NXPE4: variants seen among roughly 807,000 people sequenced by gnomAD.
The protein encoded by NXPE4 is NXPE family member 4.
A neutral mutation model predicts 33.3 loss-of-function variants in NXPE4; 42 were observed. The observed-to-expected ratio is 1.26, with a 90% confidence interval of 0.98 to 1.63. NXPE4 has a LOEUF of 1.63. Among genes scored for constraint, NXPE4 ranks in the 40% most tolerant of loss-of-function variants. NXPE4 has a pLI of 0.00. For synonymous variants in NXPE4, 253 were observed against 234.9 expected, an observed-to-expected ratio of 1.08 and a Z score of -0.71; for missense variants, 709 against 647.6, an observed-to-expected ratio of 1.09 and a Z score of -1.03.
the NXPE4 span, among the ~76,000 whole-genome samples, chr11:114,605,387 G>A: frequency 6.6e-6 from 1 of 151,860 alleles, no homozygotes; most frequent in Non-Finnish European, 1.5e-5. Context: ...ATTGCCTATG[G>A]GTAACCACTG....
chr11:114,593,827 G>T (rs192889781), intron 2 of NXPE4, among the ~76,000 whole-genome samples: 2 of 152,214 alleles, frequency 1.3e-5, no homozygotes, highest in East Asian at 3.9e-4. Flanking sequence ...ATACACAACG[G>T]AGTAGTATTC....
At chr11:114,599,081 A>G (rs1565342124), upstream of NXPE4, among the ~76,000 whole-genome samples, 1 of 152,106 alleles carries the variant, frequency 6.6e-6, no homozygotes, top group Non-Finnish European at 1.5e-5. Context: ...TTGCACATGC[A>G]TACGAGCATA....
chr11:114,676,109 G>A, the NXPE4 span, among the ~76,000 whole-genome samples: 1 of 151,846 alleles, frequency 6.6e-6, no homozygotes, highest in Non-Finnish European at 1.5e-5. Flanking sequence ...ACTGAAAATG[G>A]ATTAAAGACT....
At chr11:114,571,940 C>T (rs118076470) in intron 5 of NXPE4, among the ~76,000 whole-genome samples, 7 of 152,188 alleles carry the variant, frequency 4.6e-5, no homozygotes, top group Admixed American at 1.3e-4. Context: ...TGGAGGCCAA[C>T]GAACACAAAA....
chr11:114,639,810 T>TAATATAAAATATAATATATATTATATTA, the NXPE4 span, among the ~76,000 whole-genome samples: 12,144 of 77,608 alleles, frequency 0.16, 1,371 homozygotes, highest in Non-Finnish European at 0.2. Flanking sequence ...AAATATAAAA[T>TAATATAAAATATAATATATATTATATTA]AATATAAAAT....
the NXPE4 span, among the ~76,000 whole-genome samples, chr11:114,667,377 A>G: frequency 6.6e-6 from 1 of 152,194 alleles, no homozygotes; most frequent in Admixed American, 6.6e-5. Context: ...ATTCTGAAGT[A>G]ATAGACTTCT....
chr11:114,668,385 TA>T, the NXPE4 span, among the ~76,000 whole-genome samples: 1 of 151,684 alleles, frequency 6.6e-6, no homozygotes, highest in African/African-American at 2.4e-5. Flanking sequence ...TATGAGATAA[TA>T]AATGTTTATT....
At chr11:114,652,623 A>G in the NXPE4 span, among the ~76,000 whole-genome samples, 153 of 152,350 alleles carry the variant, frequency 1.0e-3, 1 homozygote, top group Admixed American at 8.4e-3. Context: ...AATTGTCATC[A>G]GGAGGTAATA....
At chr11:114,578,323 A>C (rs1949061411) in intron 5 of NXPE4, among the ~76,000 whole-genome samples, 2 of 152,196 alleles carry the variant, frequency 1.3e-5, no homozygotes, top group African/African-American at 2.4e-5. Flanking sequence ...CTTTTAACAC[A>C]ATGTACAACA....
chr11:114,669,161 T>C, the NXPE4 span, among the ~76,000 whole-genome samples: 2 of 152,028 alleles, frequency 1.3e-5, no homozygotes, highest in African/African-American at 4.8e-5. Context: ...CTCTCCCCAG[T>C]GGAACAATCA....
chr11:114,585,607 G>GTA (rs1318241686), intron 2 of NXPE4, among the ~76,000 whole-genome samples: 3 of 151,968 alleles, frequency 2.0e-5, no homozygotes, highest in Admixed American at 6.6e-5. Context: ...GTGTGTGTGT[G>GTA]TGTATATATA....
At chr11:114,667,063 A>G in the NXPE4 span, among the ~76,000 whole-genome samples, 160 of 152,192 alleles carry the variant, frequency 1.1e-3, 1 homozygote, top group African/African-American at 3.7e-3. Flanking sequence ...TCATGCAACA[A>G]AATTTTACAT....
chr11:114,610,428 C>G, the NXPE4 span, among the ~76,000 whole-genome samples: 5 of 150,202 alleles, frequency 3.3e-5, no homozygotes, highest in South Asian at 1.1e-3. Flanking sequence ...TATTGCCTCT[C>G]GGGTAACCAC....
At chr11:114,612,577 A>G in the NXPE4 span, among the ~76,000 whole-genome samples, 6 of 149,148 alleles carry the variant, frequency 4.0e-5, no homozygotes, top group South Asian at 2.1e-4. Context: ...CTGTTACCCA[A>G]TGGATAATAA....
At chr11:114,624,947 G>A in the NXPE4 span, among the ~76,000 whole-genome samples, 16 of 148,068 alleles carry the variant, frequency 1.1e-4, no homozygotes, top group African/African-American at 3.7e-4. Flanking sequence ...GTGTTGCCTC[G>A]TGAGTAACCA....
the NXPE4 span, among the ~76,000 whole-genome samples, chr11:114,634,529 G>T: frequency 6.6e-6 from 1 of 151,994 alleles, no homozygotes; most frequent in Non-Finnish European, 1.5e-5. Context: ...TAGACATGAA[G>T]TCCTTGCCCA....
At chr11:114,652,844 G>T in the NXPE4 span, among the ~76,000 whole-genome samples, 2 of 152,182 alleles carry the variant, frequency 1.3e-5, no homozygotes, top group Non-Finnish European at 2.9e-5. Flanking sequence ...AGCGCATTCA[G>T]CTAGAGCATT....
At chr11:114,609,643 G>A in the NXPE4 span, among the ~76,000 whole-genome samples, 5 of 151,490 alleles carry the variant, frequency 3.3e-5, no homozygotes, top group Non-Finnish European at 7.4e-5. Flanking sequence ...AATAAGTGTG[G>A]CCTCGTGGGT....
the NXPE4 span, among the ~76,000 whole-genome samples, chr11:114,636,425 G>A: frequency 6.6e-6 from 1 of 151,894 alleles, no homozygotes; most frequent in Non-Finnish European, 1.5e-5. Flanking sequence ...TCCTGGATTC[G>A]TTAATTGTTT....
Sources: allele counts gnomAD v4.1 joint callset (sites outside exome capture counted in the v4.1 genomes callset), GRCh38; gene constraint gnomAD v4.1.1; transcripts MANE v1.5; gene names NCBI Gene and HGNC (gene_info 2026-07-23, HGNC 2026-07-21).